RNF216: variants seen among roughly 807,000 people sequenced by gnomAD.
RNF216 encodes ring finger protein 216.
Under a neutral mutation model 110.8 loss-of-function variants are expected in RNF216, and 72 were observed. The observed-to-expected ratio is 0.65, with a 90% CI of 0.54 to 0.79. The LOEUF (loss-of-function observed/expected upper bound fraction) is 0.79, where lower values mean the gene tolerates loss of function less well. RNF216 is among the 30% of genes least tolerant of loss of function. The pLI, the probability that RNF216 is intolerant of heterozygous loss-of-function variation, is 0.00. For missense variants in RNF216, 1,342 were observed against 1,141.2 expected (o/e 1.18, Z -2.54); for synonymous variants, 495 against 407.5 (o/e 1.21, Z -2.59).
chr7:5,766,234 G>A (rs1387279370), intron 1 of RNF216, among the ~76,000 whole-genome samples: 1 of 152,108 alleles, frequency 6.6e-6, no homozygotes, highest in African/African-American at 2.4e-5. Context: ...ATGTTGCAGT[G>A]AGCCATGAGT....
In RNF216 at chr7:5,712,746, C is replaced by T; in HGVS notation, c.1951G>A (p.Val651Ile). ...AGCTCGTCGGCGTAGGCTGCCGCAACCTCCTCCTCGGCTTTTCGCTCATAG... is the reference window on the plus strand; with the variant it reads ...AGCTCGTCGGCGTAGGCTGCCGCAATCTCCTCCTCGGCTTTTCGCTCATAG... ...KYYERKAEEE[V>I]AAAYADELVR... is the part of the protein sequence containing the mutation. The change falls in exon 12 of 17, where the codon GTT becomes ATT. Residue 651 changes from valine to isoleucine, a missense_variant. Physicochemically the swap from Val to Ile is conservative, Grantham distance 29. Transcript: ENST00000389902. 1 of 1,614,082 alleles carries T rather than the reference C, an allele frequency of 6.2e-7. No homozygotes were observed. The highest frequency in any genetic ancestry group is 8.5e-7 in the Non-Finnish European group (1 of 1,180,002).
intron 14 of RNF216, among the ~76,000 whole-genome samples, chr7:5,644,333 TCAAGA>T (rs767580975): frequency 6.6e-6 from 1 of 152,198 alleles, no homozygotes; most frequent in Non-Finnish European, 1.5e-5. Flanking sequence ...TATATCTCTG[TCAAGA>T]CTTGTTATTT....
At chr7:5,657,038 GGAA>G (rs1463458651) in intron 13 of RNF216, among the ~76,000 whole-genome samples, 1 of 152,240 alleles carries the variant, frequency 6.6e-6, no homozygotes, top group Non-Finnish European at 1.5e-5. Flanking sequence ...AAAGCCACCT[GGAA>G]GGTGTCCGTC....
intron 2 of RNF216, among the ~76,000 whole-genome samples, chr7:5,759,619 G>A (rs118159666): frequency 0.025 from 2,824 of 112,276 alleles, 43 homozygotes; most frequent in Non-Finnish European, 0.037. Flanking sequence ...AGTTTTGGTG[G>A]AGTCATTTTT....
chr7:5,625,427 A>C (rs538193501), intron 15 of RNF216, among the ~76,000 whole-genome samples: 1 of 152,216 alleles, frequency 6.6e-6, no homozygotes, highest in Non-Finnish European at 1.5e-5. Context: ...GAATATTAAT[A>C]ATGATCAGTT....
intron 13 of RNF216, among the ~76,000 whole-genome samples, chr7:5,707,034 C>T (rs949357087): frequency 6.6e-5 from 10 of 152,310 alleles, no homozygotes; most frequent in African/African-American, 2.2e-4. Context: ...CAGAGACTAC[C>T]TTTTCCCCCG....
At position 5,641,284 on chromosome 7, in the gene RNF216, C is replaced by A. The variant is rs377498743; in HGVS notation, c.2252G>T (p.Arg751Leu). 6.2e-7 allele frequency: 1 copy of A among 1,614,096 alleles called. No homozygotes were observed. ...KSEGCNRMSC[R>L]CGAQMCYLCR... The stretch of plus-strand genomic sequence containing the variant: ...GAGGTAGCACATCTGGGCACCACAG[C>A]GGCAAGACATGCGGTTGCAGCCTTC... Residue 751 changes from arginine to leucine, a missense_variant, in exon 15 of 17, where the codon CGC becomes CTC. Transcript: ENST00000389902.
intron 15 of RNF216, among the ~76,000 whole-genome samples, chr7:5,631,125 G>GACAAA (rs893080546): frequency 8.5e-5 from 13 of 152,116 alleles, no homozygotes; most frequent in Non-Finnish European, 1.6e-4. Context: ...GACGTAACAG[G>GACAAA]ACAAAACAAA....
At chr7:5,722,451 G>A (rs1322110764) in intron 8 of RNF216, among the ~76,000 whole-genome samples, 10 of 150,176 alleles carry the variant, frequency 6.7e-5, no homozygotes, top group Admixed American at 1.3e-4. Flanking sequence ...GTGCAGTGGT[G>A]CGATCTCGGC....
intron 14 of RNF216, among the ~76,000 whole-genome samples, chr7:5,648,603 T>G (rs1326809637): frequency 6.6e-6 from 1 of 151,128 alleles, no homozygotes; most frequent in African/African-American, 2.4e-5. Context: ...TGGCGGGCAC[T>G]CATAGTCCCA....
intron 3 of RNF216, among the ~76,000 whole-genome samples, chr7:5,748,619 C>A (rs1324027544): frequency 1.0e-5 from 1 of 96,894 alleles, no homozygotes; most frequent in African/African-American, 4.4e-5. Flanking sequence ...CATACACACA[C>A]ACACACACAC....
intron 13 of RNF216, among the ~76,000 whole-genome samples, chr7:5,703,371 A>G (rs191303162): frequency 1.2e-4 from 19 of 152,344 alleles, no homozygotes; most frequent in African/African-American, 4.1e-4. Context: ...AGTGCTGTTA[A>G]TAAGTGCCAA....
intron 1 of RNF216, among the ~76,000 whole-genome samples, chr7:5,770,153 C>T (rs1456435592): frequency 4.6e-5 from 7 of 150,686 alleles, no homozygotes; most frequent in Admixed American, 2.0e-4. Context: ...TTAAGGCCAG[C>T]GAAACCCCAT....
Position 5,641,263 on chromosome 7 carries a change from T to A in RNF216, c.2273A>T (p.Tyr758Phe). ...TCCATTAATAGAAACTCGACAGAGG[T>A]AGCACATCTGGGCACCACAGCGGCA... ...MSCRCGAQMC[Y>F]LCRVSINGYD... The change falls in exon 15 of 17, where the codon TAC (tyrosine) becomes TTC (phenylalanine). Residue 758 changes from tyrosine to phenylalanine, a missense_variant. Physicochemically the swap from Tyr to Phe is conservative, Grantham distance 22 (BLOSUM62 3). Coordinates refer to ENST00000389902, the MANE Select transcript of RNF216 (RefSeq NM_207111.4). 4 of 1,614,086 alleles carry A rather than the reference T, an allele frequency of 2.5e-6. No homozygotes were observed. Among genetic ancestry groups the A allele is most frequent in the Non-Finnish European group, 3.4e-6 (4 of 1,180,006 alleles).
intron 4 of RNF216, chr7:5,739,651 A>G (rs184712191): frequency 2.7e-4 from 134 of 496,626 alleles, no homozygotes; most frequent in African/African-American, 2.0e-3. Flanking sequence ...CCAAACACAA[A>G]TAAGTTACAA....
At chr7:5,752,056 G>A (rs1795359496) in intron 3 of RNF216, among the ~76,000 whole-genome samples, 1 of 151,850 alleles carries the variant, frequency 6.6e-6, no homozygotes, top group Admixed American at 6.6e-5. Context: ...CTGGTGGCGG[G>A]CGCCTGTAAT....
chr7:5,623,892 C>T (rs1786545826), intron 16 of RNF216, among the ~76,000 whole-genome samples, 164 bp downstream of exon 16: 2 of 152,154 alleles, frequency 1.3e-5, no homozygotes, highest in Admixed American at 1.3e-4. Flanking sequence ...TTCCATAAGC[C>T]TGAGATGTGG....
In RNF216 at chr7:5,733,906, A is replaced by G. The variant is rs1163376483; in HGVS notation, c.1122-3089T>C. On this transcript the variant is annotated intron_variant, in intron 5 of 16. Coordinates refer to ENST00000389902, the MANE Select transcript of RNF216 (RefSeq NM_207111.4). ...TTTTAGATGAGTAGAAGCCTACAAG[A>G]AAGTTTTCATTGTAAAAATGTAGTC... is the stretch of plus-strand genomic sequence containing the variant. 2.0e-5 allele frequency among the ~76,000 whole-genome samples: 3 copies of G among 152,370 alleles called. No individual in the cohort carries two copies. The South Asian group carries it at 6.2e-4, about 32-fold the overall frequency.
chr7:5,756,153 T>C (rs1795631028), intron 2 of RNF216, among the ~76,000 whole-genome samples: 1 of 152,136 alleles, frequency 6.6e-6, no homozygotes, highest in Admixed American at 6.5e-5. Context: ...TTATATGCAC[T>C]GGCATTTCCC....
Sources: allele counts gnomAD v4.1 joint callset (sites outside exome capture counted in the v4.1 genomes callset), GRCh38; gene constraint gnomAD v4.1.1; transcripts MANE v1.5; gene names NCBI Gene and HGNC (gene_info 2026-07-23, HGNC 2026-07-21).